The following SLCO6A1 variants were observed in gnomAD, a reference collection of about 807,000 sequenced individuals.
SLCO6A1 encodes the protein solute carrier organic anion transporter family member 6A1.
In SLCO6A1, 65 loss-of-function variants were observed where a neutral mutation model predicts 72.7. The observed-to-expected ratio is 0.89, with a 90% CI of 0.73 to 1.10. The LOEUF is 1.10. Ranked by LOEUF, SLCO6A1 falls within the 50% of genes least tolerant of loss-of-function variation. The probability of loss-of-function intolerance (pLI) is 0.00; values close to 1 mark genes in which losing one functional copy is unlikely to be tolerated. For synonymous variants in SLCO6A1, 314 were observed against 298.2 expected, an observed-to-expected ratio of 1.05 and a Z score of -0.55; for missense variants, 874 against 872.6, an observed-to-expected ratio of 1.00 and a Z score of -0.02.
chr5:102,377,898 T>C (rs994356141), intron 12 of SLCO6A1, among the ~76,000 whole-genome samples: 63 of 82,922 alleles, frequency 7.6e-4, no homozygotes, highest in East Asian at 2.6e-3. Context: ...GGTCTTAAAC[T>C]CTTTTTTTTT....
intron 9 of SLCO6A1, 132 bp from the exon 10 acceptor site, chr5:102,399,874 A>T (rs994812293): frequency 5.2e-6 from 3 of 572,396 alleles, no homozygotes; most frequent in Non-Finnish European, 8.6e-6. Context: ...TCTTTATATT[A>T]AGCCTGCTAT....
At position 102,437,760 on chromosome 5, in the gene SLCO6A1, T is replaced by C. The variant is rs540986797; in HGVS notation, c.1276+857A>G. 3.9e-5 allele frequency among the ~76,000 whole-genome samples: 6 copies of C among 152,228 alleles called. No individual in the cohort carries two copies. The South Asian group carries it at 6.2e-4, about 16-fold the overall frequency. ...CCCACATGCTTTTTGTTTTCTGTCA[T>C]TCCTTTCTTTTTTTAATTAATTAAA... is the stretch of plus-strand genomic sequence containing the variant. On this transcript the variant is annotated intron_variant, in intron 7 of 13. Coordinates refer to ENST00000506729, the MANE Select transcript of SLCO6A1 (RefSeq NM_173488.5).
chr5:102,483,985 C>A (rs375723064), intron 1 of SLCO6A1, among the ~76,000 whole-genome samples: 4 of 152,156 alleles, frequency 2.6e-5, no homozygotes, highest in Admixed American at 2.0e-4. Flanking sequence ...ATAAGAGTTT[C>A]TTATGAAACT....
At position 102,399,560 on chromosome 5, in the gene SLCO6A1, C is replaced by A. The variant is rs375997550; in HGVS notation, c.1809G>T (p.Met603Ile). ...AATGAGTAATATATACATACCGCGT[C>A]ATGGCCAAGACGATTGGTACACCAG... ...GFSGVPIVLA[M>I]TRVVPDKLRS... The change falls in exon 10 of 14, where the codon ATG becomes ATT. Residue 603 changes from methionine (M) to isoleucine (I), a missense_variant. Physicochemically the swap from Met to Ile is conservative, Grantham distance 10. Transcript: ENST00000506729. 40 of 1,537,102 alleles carry A rather than the reference C, an allele frequency of 2.6e-5. No homozygotes were observed. The highest frequency in any genetic ancestry group is 3.3e-5 in the Non-Finnish European group (38 of 1,138,988).
At chr5:102,496,325 TA>T (rs1752909147) in intron 1 of SLCO6A1, among the ~76,000 whole-genome samples, 1 of 152,218 alleles carries the variant, frequency 6.6e-6, no homozygotes, top group Non-Finnish European at 1.5e-5. Context: ...GAAATGATTT[TA>T]AAATTGTTTA....
chr5:102,479,513 G>T (rs561239808), intron 2 of SLCO6A1, among the ~76,000 whole-genome samples: 1 of 151,798 alleles, frequency 6.6e-6, no homozygotes, highest in Non-Finnish European at 1.5e-5. Context: ...CTATCTTTCC[G>T]CTCACTCTTT....
intron 4 of SLCO6A1, among the ~76,000 whole-genome samples, chr5:102,472,342 C>T (rs1751671267): frequency 6.6e-6 from 1 of 152,104 alleles, no homozygotes; most frequent in African/African-American, 2.4e-5. Context: ...AGGATAGTTT[C>T]CAGGTAGTAC....
intron 3 of SLCO6A1, 143 bp downstream of exon 3, chr5:102,477,533 T>TTCACA: frequency 1.6e-6 from 1 of 614,592 alleles, no homozygotes; most frequent in East Asian, 2.8e-5. Flanking sequence ...ATCAATGTGA[T>TTCACA]TTGGAGGTTT....
At chr5:102,411,214 A>AATAT (rs201868999) in intron 9 of SLCO6A1, among the ~76,000 whole-genome samples, 2 of 151,592 alleles carry the variant, frequency 1.3e-5, no homozygotes, top group African/African-American at 2.4e-5. Context: ...GGGATGATGT[A>AATAT]ATATATATAT....
intron 1 of SLCO6A1, among the ~76,000 whole-genome samples, chr5:102,481,824 A>G (rs894781247): frequency 1.2e-4 from 19 of 152,186 alleles, no homozygotes; most frequent in African/African-American, 4.3e-4. Flanking sequence ...CTTCAGTTTA[A>G]TCACAAACCT....
chr5:102,401,343 C>A (rs370386124), intron 9 of SLCO6A1, among the ~76,000 whole-genome samples: 2 of 151,956 alleles, frequency 1.3e-5, no homozygotes, highest in South Asian at 2.1e-4. Context: ...AAACAGCTAT[C>A]GGGTGGCAAT....
chr5:102,404,650 T>C (rs900286723), intron 9 of SLCO6A1, among the ~76,000 whole-genome samples: 1 of 152,234 alleles, frequency 6.6e-6, no homozygotes, highest in Non-Finnish European at 1.5e-5. Flanking sequence ...TGTTTTTATT[T>C]ATGTTTTAAT....
At chr5:102,469,617 G>T (rs1751497624) in intron 4 of SLCO6A1, among the ~76,000 whole-genome samples, 1 of 152,132 alleles carries the variant, frequency 6.6e-6, no homozygotes, top group African/African-American at 2.4e-5. Flanking sequence ...GGGACAATTT[G>T]AATTCCTCTT....
intron 7 of SLCO6A1, among the ~76,000 whole-genome samples, chr5:102,420,359 C>T (rs1019865006): frequency 6.6e-6 from 1 of 152,144 alleles, no homozygotes; most frequent in Non-Finnish European, 1.5e-5. Flanking sequence ...TATTAACAAG[C>T]TTCCTGGATT....
In SLCO6A1 at chr5:102,463,867, C is replaced by T. The variant is rs1209395599; in HGVS notation, c.900-4090G>A. 3.6e-5 allele frequency among the ~76,000 whole-genome samples: 5 copies of T among 137,256 alleles called. No homozygotes were observed. In the South Asian group the frequency reaches 1.1e-3, roughly 32 times the overall value. The allele number at this position is 137,256 out of a possible 152,430, so 90.0% of individuals were successfully genotyped here. ...CGCCATTGCACTCCAGCCTGGGCGA[C>T]AAGAGTGAAACTCCGTCTCAAAAAA... On this transcript the variant is annotated intron_variant, in intron 4 of 13. Transcript: ENST00000506729.
intron 12 of SLCO6A1, among the ~76,000 whole-genome samples, chr5:102,386,777 C>G (rs1342912268): frequency 6.6e-6 from 1 of 152,280 alleles, no homozygotes; most frequent in Non-Finnish European, 1.5e-5. Flanking sequence ...GTTTCCTCCA[C>G]AGGTGTCTGC....
intron 1 of SLCO6A1, among the ~76,000 whole-genome samples, chr5:102,494,031 G>A (rs929967638): frequency 6.6e-6 from 1 of 152,082 alleles, no homozygotes; most frequent in Non-Finnish European, 1.5e-5. Flanking sequence ...TGATTTTAAT[G>A]CATATAATAA....
chr5:102,453,342 A>C (rs2060835), intron 6 of SLCO6A1, among the ~76,000 whole-genome samples: 48 of 89,212 alleles, frequency 5.4e-4, no homozygotes, highest in African/African-American at 8.2e-4. Context: ...TGCCTCAAAA[A>C]AAAAAAAAAA....
At chr5:102,492,964 G>C (rs1003645363) in intron 1 of SLCO6A1, among the ~76,000 whole-genome samples, 3 of 152,080 alleles carry the variant, frequency 2.0e-5, no homozygotes, top group Non-Finnish European at 4.4e-5. Context: ...CTAGGGGCAG[G>C]GCATAGCCAA....
Sources: allele counts gnomAD v4.1 joint callset (sites outside exome capture counted in the v4.1 genomes callset), GRCh38; gene constraint gnomAD v4.1.1; transcripts MANE v1.5; gene names NCBI Gene and HGNC (gene_info 2026-07-23, HGNC 2026-07-21).